The following PASD1 variants were observed in gnomAD, a reference collection of about 807,000 sequenced individuals.
PASD1 encodes circadian clock protein PASD1.
In PASD1, 13 loss-of-function variants were observed where a neutral mutation model predicts 58.8. The ratio of observed to expected loss-of-function variants is 0.22; its 90% CI spans 0.14 to 0.35. PASD1 has a LOEUF of 0.35. Ranked by LOEUF, PASD1 falls within the 10% of genes least tolerant of loss-of-function variation. The pLI is 1.00. For missense variants in PASD1, 734 were observed against 568.3 expected (o/e 1.29, Z -2.96); for synonymous variants, 236 against 216.7 (o/e 1.09, Z -0.78).
chrX:151,648,882 G>T (rs1353506645), intron 9 of PASD1, among the ~76,000 whole-genome samples, 180 bp downstream of exon 9: 7 of 111,779 alleles, frequency 6.3e-5, no homozygotes, highest in African/African-American at 2.0e-4. Flanking sequence ...GACTTCGAAT[G>T]GTCCCTGTAG....
Position 151,563,789 on chromosome X carries a change from T to A in PASD1, c.-78T>A, listed in dbSNP as rs1486538636. On this transcript the variant is annotated 5_prime_UTR_variant, in exon 1 of 16. Transcript: ENST00000370357. Reference sequence around the variant, plus strand: ...TCACCGGAGACCACAGGGAGGAGCTTCAAGGTACCCCAAGTCCCTGCGGCC... The same window carrying A: ...TCACCGGAGACCACAGGGAGGAGCTACAAGGTACCCCAAGTCCCTGCGGCC... 8.9e-6 allele frequency: 1 copy of A among 112,099 alleles called. No homozygotes were observed. The highest frequency in any genetic ancestry group is 1.9e-5 in the Non-Finnish European group (1 of 53,157). The allele number at this position is 112,099 out of a possible 1,213,427, so 9.2% of individuals were successfully genotyped here. A position where few individuals can be genotyped will look rare whatever the true frequency, so the allele number is the denominator to read the frequency against.
intron 8 of PASD1, among the ~76,000 whole-genome samples, chrX:151,643,756 A>G (rs1276155423): frequency 4.5e-5 from 5 of 111,690 alleles, no homozygotes; most frequent in African/African-American, 1.6e-4. Context: ...GACTGGGTTC[A>G]TATTCTGGCT....
intron 5 of PASD1, among the ~76,000 whole-genome samples, 185 bp downstream of exon 5, chrX:151,621,214 A>C (rs2013703690): frequency 9.0e-6 from 1 of 111,012 alleles, no homozygotes; most frequent in Non-Finnish European, 1.9e-5. Flanking sequence ...ATTAAATCTT[A>C]TTCCTCACCA....
At chrX:151,670,293 C>T (rs964706340) in intron 11 of PASD1, among the ~76,000 whole-genome samples, 1 of 111,911 alleles carries the variant, frequency 8.9e-6, no homozygotes, top group African/African-American at 3.2e-5. Context: ...AACACATCTT[C>T]TAGCAGCAGT....
chrX:151,608,839 T>C (rs1463596281), intron 3 of PASD1, among the ~76,000 whole-genome samples: 1 of 111,670 alleles, frequency 9.0e-6, no homozygotes, highest in Non-Finnish European at 1.9e-5. Context: ...CTTTCAAATT[T>C]ATTGGCATAA....
rs747794317 is a variant in PASD1 at position 151,604,648 on chromosome X, A to G, written c.31A>G (p.Lys11Glu). ...ACTTTCTTCCTTTTTCTAAAAAGACAAAGTCAATCCAAAAAGCTCTCAAAG... is the reference window on the plus strand; with the variant it reads ...ACTTTCTTCCTTTTTCTAAAAAGACGAAGTCAATCCAAAAAGCTCTCAAAG... Reference protein sequence around the residue: MKMRGEKRRDKVNPKSSQRKL... With the variant: MKMRGEKRRDEVNPKSSQRKL... Residue 11 changes from lysine to glutamate, a missense_variant and splice_region_variant, in exon 3 of 16, where the codon AAA becomes GAA. Lys to Glu is a moderately conservative substitution (Grantham distance 56). Transcript: ENST00000370357. The G allele has an allele frequency of 8.3e-7, 1 of 1,199,145 alleles. No homozygotes were observed. The highest frequency in any genetic ancestry group is 1.1e-6 in the Non-Finnish European group (1 of 885,771).
At chrX:151,566,101 C>T (rs2012837711) in intron 1 of PASD1, among the ~76,000 whole-genome samples, 1 of 112,316 alleles carries the variant, frequency 8.9e-6, no homozygotes, top group Non-Finnish European at 1.9e-5. Flanking sequence ...TTTCATTCAA[C>T]ACATATTCAG....
intron 9 of PASD1, among the ~76,000 whole-genome samples, chrX:151,650,755 T>C (rs1163947644): frequency 4.5e-5 from 5 of 111,813 alleles, no homozygotes; most frequent in African/African-American, 1.6e-4. Flanking sequence ...CCATGGATTC[T>C]TGAGCAATTG....
chrX:151,627,982 T>C (rs1168324018), intron 8 of PASD1, among the ~76,000 whole-genome samples: 3 of 112,304 alleles, frequency 2.7e-5, no homozygotes, highest in Non-Finnish European at 5.6e-5. Context: ...TTCATGTGTC[T>C]TTTGGCTGCA....
At chrX:151,607,453 A>T (rs1279262077) in intron 3 of PASD1, among the ~76,000 whole-genome samples, 1 of 111,515 alleles carries the variant, frequency 9.0e-6, no homozygotes, top group African/African-American at 3.3e-5. Flanking sequence ...TTTTAGTGGG[A>T]TATGCAATCT....
At chrX:151,661,134 G>A (rs1457323711) in intron 10 of PASD1, among the ~76,000 whole-genome samples, 20 of 104,924 alleles carry the variant, frequency 1.9e-4, no homozygotes, top group African/African-American at 6.3e-4. Flanking sequence ...CAGCCTGGGC[G>A]ACAGAGCAAG....
intron 9 of PASD1, among the ~76,000 whole-genome samples, chrX:151,655,461 G>A (rs1290255708): frequency 8.9e-6 from 1 of 112,016 alleles, no homozygotes; most frequent in Non-Finnish European, 1.9e-5. Flanking sequence ...CTAGTTTACA[G>A]TCCCACCAAC....
At chrX:151,675,028 G>A (rs1172042523) in intron 15 of PASD1, among the ~76,000 whole-genome samples, 1 of 111,719 alleles carries the variant, frequency 9.0e-6, no homozygotes, top group Non-Finnish European at 1.9e-5. Flanking sequence ...GTGGGCAATA[G>A]GTCCTATGGT....
At chrX:151,643,300 A>T (rs1602950954) in intron 8 of PASD1, among the ~76,000 whole-genome samples, 1 of 111,560 alleles carries the variant, frequency 9.0e-6, no homozygotes, top group East Asian at 2.8e-4. Context: ...AGGAGCCAGG[A>T]GTTGGTCAAG....
chrX:151,587,084 G>A (rs2013175306), intron 1 of PASD1, among the ~76,000 whole-genome samples: 1 of 112,028 alleles, frequency 8.9e-6, no homozygotes, highest in African/African-American at 3.2e-5. Context: ...AATGTTCAGG[G>A]ATGCCAGAAA....
intron 3 of PASD1, 85 bp downstream of exon 3, chrX:151,604,819 T>C: frequency 1.4e-6 from 1 of 735,344 alleles, no homozygotes; most frequent in Non-Finnish European, 2.0e-6. Flanking sequence ...AAAGTGTGAT[T>C]AGGAGATCAT....
chrX:151,576,164 A>T (rs1427781005), intron 1 of PASD1, among the ~76,000 whole-genome samples: 1 of 110,359 alleles, frequency 9.1e-6, no homozygotes, highest in Non-Finnish European at 1.9e-5. Flanking sequence ...CATGGCGCTC[A>T]GTCCTAATTT....
chrX:151,665,227 A>G (rs1243869618), intron 11 of PASD1, among the ~76,000 whole-genome samples: 1 of 112,185 alleles, frequency 8.9e-6, no homozygotes, highest in African/African-American at 3.2e-5. Flanking sequence ...CTGCTGTGAA[A>G]ATTCTTTGAG....
At chrX:151,606,433 T>C (rs1430190242) in intron 3 of PASD1, among the ~76,000 whole-genome samples, 1 of 111,776 alleles carries the variant, frequency 8.9e-6, no homozygotes, top group Non-Finnish European at 1.9e-5. Context: ...GAGCAGTGAC[T>C]TAGCTTTGGA....
Sources: allele counts gnomAD v4.1 joint callset (sites outside exome capture counted in the v4.1 genomes callset), GRCh38; gene constraint gnomAD v4.1.1; transcripts MANE v1.5; gene names NCBI Gene and HGNC (gene_info 2026-07-23, HGNC 2026-07-21).